Variants in FMN2 observed in about 807,000 individuals in gnomAD.
FMN2 encodes formin 2.
In FMN2, 51 loss-of-function variants were observed where a neutral mutation model predicts 142.3. That is an observed-to-expected ratio of 0.36 (90% CI 0.29 to 0.45). The LOEUF is 0.45. Ranked by LOEUF, FMN2 falls within the 20% of genes least tolerant of loss-of-function variation. The probability of loss-of-function intolerance (pLI) is 1.00; values close to 1 mark genes in which losing one functional copy is unlikely to be tolerated. For missense variants in FMN2, 1,936 were observed against 2,122.8 expected (o/e 0.91, Z 1.73); for synonymous variants, 882 against 869.8 (o/e 1.01, Z -0.25).
intron 2 of FMN2, among the ~76,000 whole-genome samples, chr1:240,163,653 T>C (rs1005001740): frequency 8.5e-5 from 13 of 152,168 alleles, no homozygotes; most frequent in South Asian, 2.1e-4. Context: ...CAGTCTTTTG[T>C]TTTTTACTGA....
rs1160586134 is a variant in FMN2 at position 240,208,468 on chromosome 1, C to A, written c.3656C>A (p.Pro1219His). ...CCCTTGCCAGGTATGGGGATTCCAC[C>A]TGCTCCAGCTCCCCCACTCCCTCCA... ...PPPLPGMGIP[P>H]APAPPLPPPG... Residue 1219 changes from proline (P) to histidine (H), a missense_variant, in exon 5 of 18, where the codon CCT becomes CAT. By Grantham distance (77) the Pro-to-His change is moderately conservative. Transcript: ENST00000319653. The A allele has an allele frequency of 1.2e-6, 2 of 1,610,126 alleles. No individual in the cohort carries two copies. The highest frequency in any genetic ancestry group is 3.4e-5 in the Admixed American group (2 of 59,652).
At chr1:240,211,509 T>C (rs10926167) in intron 6 of FMN2, among the ~76,000 whole-genome samples, 52,274 of 152,134 alleles carry the variant, frequency 0.34, 9,454 homozygotes, top group Non-Finnish European at 0.39. Context: ...CTTTCCAGAA[T>C]TAGTTGCCTA....
chr1:240,209,412 G>A (rs1041509547), intron 5 of FMN2, among the ~76,000 whole-genome samples: 16 of 150,988 alleles, frequency 1.1e-4, no homozygotes, highest in African/African-American at 3.4e-4. Flanking sequence ...CACCACGCCC[G>A]GTTAATTTTT....
At chr1:240,360,988 G>C (rs1210950751) in intron 14 of FMN2, among the ~76,000 whole-genome samples, 2 of 151,486 alleles carry the variant, frequency 1.3e-5, no homozygotes, top group African/African-American at 2.4e-5. Context: ...GGGAGAGGGG[G>C]GAGGGATAGC....
intron 14 of FMN2, among the ~76,000 whole-genome samples, chr1:240,385,991 C>T (rs1484830255): frequency 6.6e-6 from 1 of 152,184 alleles, no homozygotes; most frequent in African/African-American, 2.4e-5. Flanking sequence ...CAAATGCTCT[C>T]TTTCTTCCTC....
At chr1:240,437,291 GCT>G (rs1558106132) in intron 15 of FMN2, among the ~76,000 whole-genome samples, 1 of 119,710 alleles carries the variant, frequency 8.4e-6, no homozygotes, top group African/African-American at 4.2e-5. Flanking sequence ...AGCATCTCTT[GCT>G]TTTTTTTTTT....
intron 8 of FMN2, among the ~76,000 whole-genome samples, chr1:240,302,050 T>G (rs1304497979): frequency 6.6e-6 from 1 of 152,082 alleles, no homozygotes; most frequent in Non-Finnish European, 1.5e-5. Flanking sequence ...TTCTGTTCAT[T>G]AGATTTTCCA....
At chr1:240,460,203 TCTC>T (rs1676401879) in intron 16 of FMN2, among the ~76,000 whole-genome samples, 1 of 152,220 alleles carries the variant, frequency 6.6e-6, no homozygotes, top group African/African-American at 2.4e-5. Flanking sequence ...CAATAGAACT[TCTC>T]CTCTGTATTT....
chr1:240,355,951 C>CAAA lies in FMN2; in HGVS notation c.4858+76_4858+78dup, dbSNP rs58002724. Reference sequence around the variant, plus strand: ...GTGTTATGTTTTTCTCCCCTTTCAGCAAAAAAAAAAAAAAAAAAAAAAAAA... The same window carrying CAAA: ...GTGTTATGTTTTTCTCCCCTTTCAGCAAAAAAAAAAAAAAAAAAAAAAAAAAAA... On this transcript the variant is annotated intron_variant, in intron 14 of 17. Transcript: ENST00000319653. The CAAA allele has an allele frequency of 1.0e-3, 263 of 252,446 alleles. 14 individuals are homozygous for CAAA. Among genetic ancestry groups the CAAA allele is most frequent in the Non-Finnish European group, 1.3e-3 (177 of 140,328 alleles). 15.6% of individuals were successfully genotyped at this position (252,446 alleles called of 1,614,324 possible).
chr1:240,348,443 G>A (rs1040955581), intron 13 of FMN2, among the ~76,000 whole-genome samples: 1 of 151,302 alleles, frequency 6.6e-6, no homozygotes, highest in Admixed American at 6.6e-5. Flanking sequence ...GGTTGGTCTC[G>A]AACTCCTGAC....
Position 240,092,565 on chromosome 1 carries a change from T to C in FMN2, c.456T>C (p.Ala152=), listed in dbSNP as rs1347426746. ...TGPGGPGPAE[A]RVGGRPIAED... is the part of the protein sequence containing the mutation. Reference sequence around the variant, plus strand: ...CAGGGGGTCCTGGGCCTGCCGAGGCTAGGGTCGGGGGCCGGCCGATCGCCG... The same window carrying C: ...CAGGGGGTCCTGGGCCTGCCGAGGCCAGGGTCGGGGGCCGGCCGATCGCCG... Residue 152 remains alanine, a synonymous_variant, in exon 1 of 18, where the codon GCT becomes GCC. Coordinates refer to ENST00000319653, the MANE Select transcript of FMN2 (RefSeq NM_020066.5). 6.2e-7 allele frequency: 1 copy of C among 1,613,216 alleles called. No homozygotes were observed. Among genetic ancestry groups the C allele is most frequent in the East Asian group, 2.2e-5 (1 of 44,810 alleles).
rs1443582240 is a variant in FMN2, at chr1:240,145,318, CGCCGCTGGGG to C, written c.1782+21976_1782+21985del. 6.8e-6 allele frequency: 8 copies of C among 1,179,074 alleles called. No individual in the cohort carries two copies. In the East Asian group the frequency reaches 7.7e-5, roughly 11 times the overall value. The allele number at this position is 1,179,074 out of a possible 1,614,324, so 73.0% of individuals were successfully genotyped here. On this transcript the variant is annotated intron_variant, in intron 2 of 17. Transcript: ENST00000319653. The stretch of plus-strand genomic sequence containing the variant: ...GCTTCTCATCCATGCCGCTGAGGGC[CGCCGCTGGGG>C]GCTGCTGGGACTGCACCAGCGTCTT...
At chr1:240,164,346 T>G (rs1311987965) in intron 2 of FMN2, among the ~76,000 whole-genome samples, 1 of 152,228 alleles carries the variant, frequency 6.6e-6, no homozygotes, top group African/African-American at 2.4e-5. Context: ...CACTTCCAAG[T>G]TACACATTGT....
chr1:240,356,725 G>A (rs1350127666), intron 14 of FMN2, among the ~76,000 whole-genome samples: 1 of 152,166 alleles, frequency 6.6e-6, no homozygotes, highest in Non-Finnish European at 1.5e-5. Flanking sequence ...CATGGCTTGA[G>A]ACTGAGGCCA....
At chr1:240,106,152 C>T (rs113786175) in intron 1 of FMN2, among the ~76,000 whole-genome samples, 34 of 152,240 alleles carry the variant, frequency 2.2e-4, no homozygotes, top group African/African-American at 7.9e-4. Flanking sequence ...CATTCATCCC[C>T]GAGTATCCAT....
intron 6 of FMN2, among the ~76,000 whole-genome samples, chr1:240,237,152 A>G (rs1035106366): frequency 5.3e-5 from 8 of 152,336 alleles, no homozygotes; most frequent in African/African-American, 1.9e-4. Flanking sequence ...TTATCTCATG[A>G]AACAAAACAA....
chr1:240,378,900 T>G (rs1392617995), intron 14 of FMN2, among the ~76,000 whole-genome samples: 1 of 152,224 alleles, frequency 6.6e-6, no homozygotes, highest in African/African-American at 2.4e-5. Context: ...TTCGTATTAA[T>G]ATCCTTATTT....
intron 8 of FMN2, among the ~76,000 whole-genome samples, chr1:240,327,394 C>G (rs563420165): frequency 6.6e-6 from 1 of 152,238 alleles, no homozygotes. Context: ...AAATACAAAG[C>G]AGAACCTAGC....
chr1:240,125,910 A>G (rs947575999), intron 2 of FMN2, among the ~76,000 whole-genome samples: 2 of 152,152 alleles, frequency 1.3e-5, no homozygotes, highest in Non-Finnish European at 2.9e-5. Flanking sequence ...TTTCCTCAGA[A>G]TTGGGAATTT....
Sources: gnomAD v4.1 joint callset for allele counts (sites outside exome capture counted in the v4.1 genomes callset) on GRCh38, gnomAD v4.1.1 for gene constraint, MANE v1.5 for transcripts, NCBI Gene and HGNC (gene_info 2026-07-23, HGNC 2026-07-21) for gene names.